The following PRSS54 variants were observed in gnomAD, a reference collection of about 807,000 sequenced individuals.
PRSS54 encodes the protein inactive serine protease 54.
A neutral mutation model predicts 19.9 loss-of-function variants in PRSS54; 16 were observed. The ratio of observed to expected loss-of-function variants is 0.80; its 90% confidence interval spans 0.54 to 1.22. PRSS54 has a LOEUF of 1.22. PRSS54 is among the 50% of genes most tolerant of loss of function. The pLI, the probability that PRSS54 is intolerant of heterozygous loss-of-function variation, is 0.00. For synonymous variants in PRSS54, 177 were observed against 195.8 expected, an observed-to-expected ratio of 0.90 and a Z score of 0.80; for missense variants, 444 against 494.8, an observed-to-expected ratio of 0.90 and a Z score of 0.97.
At chr16:58,291,236 ACC>A in intron 3 of PRSS54, 100 bp from the exon 4 acceptor site, 1 of 1,114,498 alleles carries the variant, frequency 9.0e-7, no homozygotes, top group South Asian at 1.6e-5. Context: ...GCTATCCGCA[ACC>A]CCTTTTCTTT....
At chr16:58,288,151 C>G (rs1964958342) in intron 4 of PRSS54, among the ~76,000 whole-genome samples, 1 of 152,186 alleles carries the variant, frequency 6.6e-6, no homozygotes, top group Admixed American at 6.5e-5. Flanking sequence ...CTTGGCCATG[C>G]ATGATGGCTC....
At chr16:58,293,361 T>C (rs926012967) in intron 3 of PRSS54, among the ~76,000 whole-genome samples, 1 of 152,148 alleles carries the variant, frequency 6.6e-6, no homozygotes, top group Non-Finnish European at 1.5e-5. Context: ...AGAAGCCCCC[T>C]GCTCCCGGGA....
Position 58,290,119 on chromosome 16 carries a change from A to G in PRSS54, c.263+840T>C, listed in dbSNP as rs570416654. Among the ~76,000 whole-genome samples, 22 of 145,602 alleles carry G rather than the reference A, an allele frequency of 1.5e-4. No individual in the cohort carries two copies. In the East Asian group the frequency reaches 4.4e-3, roughly 29 times the overall value. ...TATATTACAATATCATGTATATTAC[A>G]TATAATAAAGTATATAATTACATGT... On this transcript the variant is annotated intron_variant, in intron 4 of 6. Transcript: ENST00000567164.
chr16:58,280,110 A>T lies in PRSS54; in HGVS notation c.*114T>A. The T allele has an allele frequency of 9.3e-7, 1 of 1,071,102 alleles. No homozygotes were observed. Among genetic ancestry groups the T allele is most frequent in the Non-Finnish European group, 1.4e-6 (1 of 735,204 alleles). 66.3% of individuals were successfully genotyped at this position (1,071,102 alleles called of 1,614,324 possible). On this transcript the variant is annotated 3_prime_UTR_variant, in exon 7 of 7. Coordinates refer to ENST00000567164, the MANE Select transcript of PRSS54 (RefSeq NM_001305173.2). ...CCAGCCCAGTGTATGCCATGGGCTT[A>T]TCCGTGGCAGCCCCAGTGTGCAACT... is the stretch of plus-strand genomic sequence containing the variant.
In PRSS54 at chr16:58,294,101, C is replaced by T; in HGVS notation, c.-123G>A. On this transcript the variant is annotated 5_prime_UTR_variant, in exon 2 of 7. Coordinates refer to ENST00000567164, the MANE Select transcript of PRSS54 (RefSeq NM_001305173.2). ...GCAGCTTACTCTTGTCAGTTTTCTT[C>T]TCAATCCAGCCCAAGCCCCTGAGCA... 2.4e-6 allele frequency: 1 copy of T among 421,796 alleles called. No homozygotes were observed. The highest frequency in any genetic ancestry group is 4.4e-6 in the Non-Finnish European group (1 of 228,714). The allele number at this position is 421,796 out of a possible 1,614,324, so 26.1% of individuals were successfully genotyped here. A position where few individuals can be genotyped will look rare whatever the true frequency, so the allele number is the denominator to read the frequency against.
At chr16:58,293,596 C>T (rs539856501) in intron 3 of PRSS54, 136 bp downstream of exon 3, 88 of 1,492,310 alleles carry the variant, frequency 5.9e-5, no homozygotes, top group East Asian at 3.5e-4. Flanking sequence ...CAATGCAGGC[C>T]GCCCGGTGCA....
chr16:58,287,050 T>A (rs1215189998), intron 4 of PRSS54, among the ~76,000 whole-genome samples: 2 of 151,628 alleles, frequency 1.3e-5, no homozygotes, highest in Non-Finnish European at 2.9e-5. Context: ...GAGAGGAAAA[T>A]GAAAGATAAG....
rs1161037766 is a variant in PRSS54 at position 58,293,786 on chromosome 16, C to T, written c.31G>A (p.Gly11Ser). 3.7e-6 allele frequency: 6 copies of T among 1,613,062 alleles called. No homozygotes were observed. In the Admixed American group the frequency reaches 1.0e-4, roughly 27 times the overall value. ...ACCAGGAGCACCCCTCGCATCTTGC[C>T]ATCCCCAGAGAGACCCGCCGCGGAC... is the stretch of plus-strand genomic sequence containing the variant. MVSAAGLSGD[G>S]KMRGVLLVLL... is the part of the protein sequence containing the mutation. The change falls in exon 3 of 7, where the codon GGC becomes AGC. Residue 11 changes from glycine to serine, a missense_variant. Gly to Ser is a moderately conservative substitution (Grantham distance 56). Coordinates refer to ENST00000567164, the MANE Select transcript of PRSS54 (RefSeq NM_001305173.2).
chr16:58,282,246 C>T (rs1165800095), intron 6 of PRSS54: 1 of 151,998 alleles, frequency 6.6e-6, no homozygotes, highest in Non-Finnish European at 1.5e-5. Context: ...ACCTCATGAT[C>T]CACCCGCCTC....
chr16:58,293,679 CT>C (rs1409137248), intron 3 of PRSS54, 52 bp downstream of exon 3: 16 of 1,572,040 alleles, frequency 1.0e-5, no homozygotes, highest in Non-Finnish European at 1.4e-5. Flanking sequence ...GGATGATCCC[CT>C]TCTGTGCCAC....
intron 4 of PRSS54, among the ~76,000 whole-genome samples, 175 bp from the exon 5 acceptor site, chr16:58,286,370 T>C (rs1964922366): frequency 6.6e-6 from 1 of 152,228 alleles, no homozygotes; most frequent in Admixed American, 6.5e-5. Flanking sequence ...TATGAACCCC[T>C]AGGCTTGTGC....
chr16:58,280,346 A>G lies in PRSS54; in HGVS notation c.1066T>C (p.Tyr356His), dbSNP rs1453241118. ...CCCACCTCCCCACCGTAATAGTCAT[A>G]GTATAAGGGTTGTACAGACGCCTCA... is the stretch of plus-strand genomic sequence containing the variant. ...SPEASVQPLYYDYYGGEVGEG... is the reference protein window; with the variant it reads ...SPEASVQPLYHDYYGGEVGEG... The change falls in exon 7 of 7, where the codon TAT becomes CAT. Residue 356 changes from tyrosine (Y) to histidine (H), a missense_variant. Transcript: ENST00000567164. 3.1e-6 allele frequency: 5 copies of G among 1,614,180 alleles called. No individual in the cohort carries two copies. Among genetic ancestry groups the G allele is most frequent in the Non-Finnish European group, 4.2e-6 (5 of 1,180,032 alleles).
chr16:58,289,580 T>TTA (rs1964992629), intron 4 of PRSS54, among the ~76,000 whole-genome samples: 1 of 151,392 alleles, frequency 6.6e-6, no homozygotes, highest in African/African-American at 2.4e-5. Context: ...ACATACTTTT[T>TTA]TTTTTTTTGG....
rs1385804641 is a variant in PRSS54 at position 58,294,931 on chromosome 16, T to C, written c.-276A>G. 6.5e-6 allele frequency: 1 copy of C among 152,760 alleles called. No homozygotes were observed. Among genetic ancestry groups the C allele is most frequent in the Non-Finnish European group, 1.5e-5 (1 of 68,142 alleles). The allele number at this position is 152,760 out of a possible 1,614,324, so 9.5% of individuals were successfully genotyped here. On this transcript the variant is annotated 5_prime_UTR_variant, in exon 1 of 7. Coordinates refer to ENST00000567164, the MANE Select transcript of PRSS54 (RefSeq NM_001305173.2). ...TGGATGCCTCTTGTCCTCAGAATGG[T>C]CCTCAGAGTTCGTCCATGAACTGTT... is the stretch of plus-strand genomic sequence containing the variant.
At position 58,291,080 on chromosome 16, in the gene PRSS54, CCAAG is replaced by C; in HGVS notation, c.138_141del (p.Leu47SerfsTer26). 1 of 1,614,192 alleles carries C rather than the reference CCAAG, an allele frequency of 6.2e-7. No individual in the cohort carries two copies. Among genetic ancestry groups the C allele is most frequent in the Non-Finnish European group, 8.5e-7 (1 of 1,180,038 alleles). On this transcript the variant is annotated frameshift_variant, in exon 4 of 7. Transcript: ENST00000567164. ...ACCCACGGGAACTCCATGCTGCTGA[CCAAG>C]CCCTCCTTGGGGTCAGGACCGTAGA...
At chr16:58,283,752 G>T (rs982071972) in intron 6 of PRSS54, 1 of 152,166 alleles carries the variant, frequency 6.6e-6, no homozygotes, top group Admixed American at 6.5e-5. Context: ...CTCAATAGAT[G>T]TTACACCAAC....
intron 3 of PRSS54, 50 bp from the exon 4 acceptor site, chr16:58,291,186 C>A (rs1330480614): frequency 6.4e-7 from 1 of 1,563,576 alleles, no homozygotes; most frequent in East Asian, 2.2e-5. Flanking sequence ...GACCTCAGGA[C>A]CCTCTCTCCT....
At chr16:58,290,600 A>G (rs1965016065) in intron 4 of PRSS54, among the ~76,000 whole-genome samples, 1 of 152,156 alleles carries the variant, frequency 6.6e-6, no homozygotes, top group East Asian at 1.9e-4. Context: ...TGTAAGGCCC[A>G]AATGTTTTAA....
At chr16:58,287,802 G>A (rs756535878) in intron 4 of PRSS54, among the ~76,000 whole-genome samples, 3 of 152,144 alleles carry the variant, frequency 2.0e-5, no homozygotes, top group African/African-American at 4.8e-5. Context: ...GACTAACAAA[G>A]ATGAGGTCAT....
Sources: gnomAD v4.1 joint callset for allele counts (sites outside exome capture counted in the v4.1 genomes callset) on GRCh38, gnomAD v4.1.1 for gene constraint, MANE v1.5 for transcripts, NCBI Gene and HGNC (gene_info 2026-07-23, HGNC 2026-07-21) for gene names.